TERB1: variants seen among roughly 807,000 people sequenced by gnomAD.
TERB1 encodes the protein telomere repeats-binding bouquet formation protein 1.
TERB1 carries 63 observed loss-of-function variants against 92.3 expected under a neutral mutation model. The observed-to-expected ratio is 0.68, with a 90% CI of 0.56 to 0.84. TERB1 has a LOEUF of 0.84. TERB1 is among the 40% of genes least tolerant of loss of function. The pLI is 0.00. For missense variants in TERB1, 709 were observed against 843.7 expected (o/e 0.84, Z 1.98); for synonymous variants, 252 against 283.9 (o/e 0.89, Z 1.13).
Position 66,788,291 on chromosome 16 carries a change from C to T in TERB1, c.278G>A (p.Cys93Tyr). The T allele has an allele frequency of 2.0e-6, 3 of 1,484,196 alleles. No individual in the cohort carries two copies. The highest frequency in any genetic ancestry group is 2.7e-6 in the Non-Finnish European group (3 of 1,122,578). The allele number at this position is 1,484,196 out of a possible 1,614,324, so 91.9% of individuals were successfully genotyped here. A position where few individuals can be genotyped will look rare whatever the true frequency, so the allele number is the denominator to read the frequency against. Reference sequence around the variant, plus strand: ...CTCTGAAGTACACAAAGTCTGCTGACAGTAAACTGAAATATAAAATATAAT... The same window carrying T: ...CTCTGAAGTACACAAAGTCTGCTGATAGTAAACTGAAATATAAAATATAAT... ...LGAIAEKNVY[C>Y]QQTLCTSELF... Residue 93 changes from cysteine to tyrosine, a missense_variant, in exon 6 of 19, where the codon TGT becomes TAT. Transcript: ENST00000433154.
At chr16:66,794,639 A>G (rs2018895302) in intron 3 of TERB1, among the ~76,000 whole-genome samples, 1 of 151,958 alleles carries the variant, frequency 6.6e-6, no homozygotes, top group African/African-American at 2.4e-5. Context: ...GGCTGGGCAC[A>G]GTGGCTCACG....
At chr16:66,785,673 C>A in intron 9 of TERB1, 113 bp downstream of exon 9, 1 of 1,146,248 alleles carries the variant, frequency 8.7e-7, no homozygotes, top group Non-Finnish European at 1.2e-6. Context: ...TAAATACATC[C>A]AAAATAACCC....
At chr16:66,771,874 T>C (rs1255434480) in intron 13 of TERB1, among the ~76,000 whole-genome samples, 3 of 152,186 alleles carry the variant, frequency 2.0e-5, no homozygotes, top group Non-Finnish European at 4.4e-5. Context: ...TTTTAACACA[T>C]ATGCATATAC....
chr16:66,785,497 T>G (rs2145201889), intron 9 of TERB1, among the ~76,000 whole-genome samples: 2 of 152,334 alleles, frequency 1.3e-5, no homozygotes, highest in Admixed American at 1.3e-4. Context: ...CTAATTTAAT[T>G]ACCTTGTGAT....
chr16:66,792,432 C>T (rs181826549), intron 3 of TERB1, among the ~76,000 whole-genome samples: 5 of 152,132 alleles, frequency 3.3e-5, no homozygotes, highest in Admixed American at 2.0e-4. Context: ...TAGCCAGTGC[C>T]GTCAGGTAAG....
intron 14 of TERB1, among the ~76,000 whole-genome samples, 152 bp from the exon 15 acceptor site, chr16:66,768,320 C>T (rs779615112): frequency 4.9e-4 from 75 of 152,238 alleles, no homozygotes; most frequent in Non-Finnish European, 9.4e-4. Context: ...ATTCTGCCAA[C>T]GTAGGGCCTG....
intron 5 of TERB1, among the ~76,000 whole-genome samples, chr16:66,789,304 G>GGACTATATCTTACTTATC (rs1555509453): frequency 2.0e-4 from 22 of 109,398 alleles, no homozygotes; most frequent in East Asian, 3.2e-4. Context: ...AAAAAATTCG[G>GGACTATATCTTACTTATC]CCGGGCGCGG....
intron 18 of TERB1, chr16:66,758,312 A>G (rs1320394328): frequency 6.4e-6 from 1 of 156,304 alleles, no homozygotes; most frequent in South Asian, 1.9e-4. Flanking sequence ...GGGAAGAGGA[A>G]AGTCTCTTTT....
At chr16:66,778,020 T>TA (rs912647178) in intron 10 of TERB1, among the ~76,000 whole-genome samples, 1 of 152,184 alleles carries the variant, frequency 6.6e-6, no homozygotes, top group Non-Finnish European at 1.5e-5. Context: ...AACCACTTTT[T>TA]AAAAAACCAT....
intron 9 of TERB1, among the ~76,000 whole-genome samples, chr16:66,782,427 G>A (rs895876412): frequency 7.9e-5 from 12 of 151,854 alleles, no homozygotes; most frequent in Admixed American, 5.9e-4. Flanking sequence ...GCGGGCACCC[G>A]TAATCCCAGC....
chr16:66,772,445 G>A, intron 13 of TERB1, 144 bp downstream of exon 13: 1 of 680,212 alleles, frequency 1.5e-6, no homozygotes, highest in Non-Finnish European at 2.3e-6. Flanking sequence ...TCGTGCCACT[G>A]CACTCCAACC....
rs1278184375 is a variant in TERB1 at position 66,777,314 on chromosome 16, A to C, written c.874T>G (p.Ser292Ala). The change falls in exon 11 of 19, where the codon TCC (serine) becomes GCC (alanine). Residue 292 changes from serine to alanine, a missense_variant. Transcript: ENST00000433154. ...ADNPTFGIVL[S>A]KYHIVSKLLA... ...AGTTTAGAAACAATGTGGTACTTGGAGAGTACTATCCCAAAAGTAGCTATT... is the reference window on the plus strand; with the variant it reads ...AGTTTAGAAACAATGTGGTACTTGGCGAGTACTATCCCAAAAGTAGCTATT... 5 of 1,545,916 alleles carry C rather than the reference A, an allele frequency of 3.2e-6. No individual in the cohort carries two copies. The highest frequency in any genetic ancestry group is 4.4e-6 in the Non-Finnish European group (5 of 1,142,260).
In TERB1 at chr16:66,760,452, A is replaced by G. The variant is rs529076642; in HGVS notation, c.1781-1162T>C. Among the ~76,000 whole-genome samples, 3 of 89,582 alleles carry G rather than the reference A, an allele frequency of 3.3e-5. No individual in the cohort carries two copies. The East Asian group carries it at 1.2e-3, about 34-fold the overall frequency. The allele number at this position is 89,582 out of a possible 152,430, so 58.8% of individuals were successfully genotyped here. ...AACCTGGGTGACAGAGCGAGACTCCATCTCAAAAAAAAAAAAAAGAAAAGA... is the reference window on the plus strand; with the variant it reads ...AACCTGGGTGACAGAGCGAGACTCCGTCTCAAAAAAAAAAAAAAGAAAAGA... On this transcript the variant is annotated intron_variant, in intron 16 of 18. Transcript: ENST00000433154.
chr16:66,762,163 A>G (rs2018263045), intron 16 of TERB1, among the ~76,000 whole-genome samples: 1 of 152,238 alleles, frequency 6.6e-6, no homozygotes, highest in African/African-American at 2.4e-5. Context: ...TTTGTTTTTA[A>G]CATTTTATTA....
chr16:66,798,603 A>G (rs932920378), intron 2 of TERB1, among the ~76,000 whole-genome samples: 1 of 152,256 alleles, frequency 6.6e-6, no homozygotes, highest in African/African-American at 2.4e-5. Context: ...GAAAAATGCT[A>G]TGTTACAAAG....
At position 66,767,522 on chromosome 16, in the gene TERB1, T is replaced by C. The variant is rs2018368510; in HGVS notation, c.1685-12A>G. On this transcript the variant is annotated splice_polypyrimidine_tract_variant and intron_variant, in intron 15 of 18. Coordinates refer to ENST00000433154, the MANE Select transcript of TERB1 (RefSeq NM_001136505.2). Reference sequence around the variant, plus strand: ...TAATGTAAATGGATCTGAAAAAAATTGCAAAATGAAGGATTTTTGGATTAA... The same window carrying C: ...TAATGTAAATGGATCTGAAAAAAATCGCAAAATGAAGGATTTTTGGATTAA... The C allele has an allele frequency of 7.6e-7, 1 of 1,317,224 alleles. No individual in the cohort carries two copies. Among genetic ancestry groups the C allele is most frequent in the Non-Finnish European group, 1.0e-6 (1 of 967,862 alleles). The allele number at this position is 1,317,224 out of a possible 1,614,324, so 81.6% of individuals were successfully genotyped here.
intron 3 of TERB1, among the ~76,000 whole-genome samples, chr16:66,793,801 C>A (rs1397278953): frequency 6.6e-6 from 1 of 152,160 alleles, no homozygotes; most frequent in Non-Finnish European, 1.5e-5. Flanking sequence ...ACCTGAGCCA[C>A]CACGCCCGGC....
chr16:66,794,301 T>C (rs1430107535), intron 3 of TERB1, among the ~76,000 whole-genome samples: 1 of 151,954 alleles, frequency 6.6e-6, no homozygotes, highest in Non-Finnish European at 1.5e-5. Flanking sequence ...GATTTTGCCA[T>C]GTTGCCCAGG....
At position 66,759,930 on chromosome 16, in the gene TERB1, T is replaced by C. The variant is rs28449437; in HGVS notation, c.1781-640A>G. On this transcript the variant is annotated intron_variant, in intron 16 of 18. Coordinates refer to ENST00000433154, the MANE Select transcript of TERB1 (RefSeq NM_001136505.2). ...TGGGCTGATCACAAGGTCAGGAGTT[T>C]GAGACCAGCCTGGCCAATATGGTGA... is the stretch of plus-strand genomic sequence containing the variant. 4.1e-3 allele frequency among the ~76,000 whole-genome samples: 542 copies of C among 131,986 alleles called. No individual in the cohort carries two copies. The Middle Eastern group carries it at 0.06, about 15-fold the overall frequency. 86.6% of individuals were successfully genotyped at this position (131,986 alleles called of 152,430 possible).
Sources: allele counts gnomAD v4.1 joint callset (sites outside exome capture counted in the v4.1 genomes callset), GRCh38; gene constraint gnomAD v4.1.1; transcripts MANE v1.5; gene names NCBI Gene and HGNC (gene_info 2026-07-23, HGNC 2026-07-21).